Variants in ZDBF2 observed in about 807,000 individuals in gnomAD.
ZDBF2 encodes zinc finger DBF-type containing 2, also known as DBF4-type zinc finger-containing protein 2.
Under a neutral mutation model 9.4 loss-of-function variants are expected in ZDBF2, and 6 were observed. The observed-to-expected ratio is 0.64, with a 90% confidence interval of 0.35 to 1.27. The LOEUF (loss-of-function observed/expected upper bound fraction) is 1.27. ZDBF2 is among the 50% of genes most tolerant of loss of function. The pLI is 0.03. For missense variants in ZDBF2, 2,697 were observed against 2,766.8 expected, an observed-to-expected ratio of 0.97 and a Z score of 0.57; for synonymous variants, 905 against 946.3, an observed-to-expected ratio of 0.96 and a Z score of 0.80.
At chr2:206,280,331 A>G (rs1465002452) in intron 2 of ZDBF2, among the ~76,000 whole-genome samples, 3 of 152,210 alleles carry the variant, frequency 2.0e-5, no homozygotes, top group Non-Finnish European at 2.9e-5. Flanking sequence ...AAGACCAAAA[A>G]TATTTAAGTA....
chr2:206,308,179 C>T lies in ZDBF2; in HGVS notation c.3651C>T (p.Thr1217=), dbSNP rs558225293. The T allele has an allele frequency of 1.1e-5, 18 of 1,613,620 alleles. 1 individual carries two copies. Among genetic ancestry groups the T allele is most frequent in the African/African-American group, 9.3e-5 (7 of 74,984 alleles). The change falls in exon 5 of 5, where the codon ACC becomes ACT. Residue 1217 remains threonine, a synonymous_variant. Transcript: ENST00000374423. The part of the protein sequence containing the change: ...LQSVADRLRE[T]VKEISLWKDE... ...CAGTGGCTGACCGGCTGAGAGAAAC[C>T]GTTAAAGAAATAAGCCTTTGGAAGG...
At chr2:206,298,322 C>G (rs1321648651) in intron 4 of ZDBF2, among the ~76,000 whole-genome samples, 1 of 152,228 alleles carries the variant, frequency 6.6e-6, no homozygotes, top group African/African-American at 2.4e-5. Flanking sequence ...ATTAGCACAT[C>G]TGTGCAGTTA....
In ZDBF2 at chr2:206,311,533, A is replaced by G. The variant is rs761378581; in HGVS notation, c.7005A>G (p.Gln2335=). ...AYDLRSSSCL[Q]QRERMMTRLA... ...ATCTGAGAAGCTCATCTTGTTTACA[A>G]CAACGTGAGAGAATGATGACTCGGC... Residue 2335 remains glutamine, a synonymous_variant, in exon 5 of 5, where the codon CAA becomes CAG. Transcript: ENST00000374423. The G allele has an allele frequency of 1.9e-6, 3 of 1,551,454 alleles. No homozygotes were observed. The highest frequency in any genetic ancestry group is 2.5e-5 in the South Asian group (2 of 80,870).
intron 4 of ZDBF2, among the ~76,000 whole-genome samples, chr2:206,298,014 T>C (rs1217248174): frequency 2.0e-5 from 3 of 152,130 alleles, no homozygotes; most frequent in Non-Finnish European, 4.4e-5. Flanking sequence ...ACAGAAAAAC[T>C]GGTGACAATA....
chr2:206,302,646 G>C (rs2105943178), intron 4 of ZDBF2, among the ~76,000 whole-genome samples: 1 of 152,312 alleles, frequency 6.6e-6, no homozygotes, highest in South Asian at 2.1e-4. Flanking sequence ...CTAGAGTGAA[G>C]TGATTGTTGC....
chr2:206,304,218 C>A (rs919283319), intron 4 of ZDBF2, among the ~76,000 whole-genome samples: 2 of 152,168 alleles, frequency 1.3e-5, no homozygotes, highest in African/African-American at 4.8e-5. Context: ...TGTCCTTACA[C>A]CCGCACCAAA....
At chr2:206,298,205 T>C (rs1423855364) in intron 4 of ZDBF2, among the ~76,000 whole-genome samples, 1 of 152,216 alleles carries the variant, frequency 6.6e-6, no homozygotes, top group Non-Finnish European at 1.5e-5. Flanking sequence ...TTTGATAACA[T>C]TTAAGAGTTA....
At chr2:206,289,532 G>T (rs2105914708) in intron 3 of ZDBF2, among the ~76,000 whole-genome samples, 1 of 152,224 alleles carries the variant, frequency 6.6e-6, no homozygotes, top group Admixed American at 6.5e-5. Context: ...GCTTGGCCTG[G>T]GGATGTGAGG....
chr2:206,294,422 C>T (rs11898377), intron 3 of ZDBF2, among the ~76,000 whole-genome samples: 2 of 152,160 alleles, frequency 1.3e-5, no homozygotes, highest in Non-Finnish European at 1.5e-5. Flanking sequence ...GTTTTCTATT[C>T]ACATTGCTTT....
At chr2:206,280,134 C>A (rs1046541758) in intron 2 of ZDBF2, among the ~76,000 whole-genome samples, 2 of 152,150 alleles carry the variant, frequency 1.3e-5, no homozygotes, top group Admixed American at 6.5e-5. Context: ...TGCTTTATAA[C>A]GTATGTCCTG....
chr2:206,297,474 A>C (rs187577541), intron 4 of ZDBF2, 101 bp downstream of exon 4: 1 of 1,149,924 alleles, frequency 8.7e-7, no homozygotes, highest in Non-Finnish European at 1.2e-6. Flanking sequence ...CTTTGAGTCA[A>C]GGAATATAAA....
Position 206,307,234 on chromosome 2 carries a change from A to G in ZDBF2, c.2706A>G (p.Val902=), listed in dbSNP as rs1386394964. The change falls in exon 5 of 5, where the codon GTA becomes GTG. Residue 902 remains valine, a synonymous_variant. Coordinates refer to ENST00000374423, the MANE Select transcript of ZDBF2 (RefSeq NM_020923.3). ...KKLNPQKEEQ[V]HLENKENEPI... ...TAAATCCTCAAAAAGAAGAGCAGGT[A>G]CACTTAGAAAATAAGGAAAATGAAC... 3.7e-6 allele frequency: 6 copies of G among 1,607,348 alleles called. No homozygotes were observed. Among genetic ancestry groups the G allele is most frequent in the Non-Finnish European group, 5.1e-6 (6 of 1,178,326 alleles).
intron 3 of ZDBF2, among the ~76,000 whole-genome samples, chr2:206,293,352 AG>A (rs1226457856): frequency 6.6e-6 from 1 of 152,208 alleles, no homozygotes; most frequent in Non-Finnish European, 1.5e-5. Flanking sequence ...AAAATAGTAA[AG>A]CTTCTAGAAA....
chr2:206,281,839 A>G lies in ZDBF2; in HGVS notation c.-11A>G. ...AGACAGTAGCCATCTGACTTCAGTT[A>G]TTTATTCAAGATGCAGAAAAGACAA... On this transcript the variant is annotated 5_prime_UTR_variant, in exon 3 of 5. Transcript: ENST00000374423. 6.2e-7 allele frequency: 1 copy of G among 1,612,158 alleles called. No individual in the cohort carries two copies. Among genetic ancestry groups the G allele is most frequent in the East Asian group, 2.2e-5 (1 of 44,786 alleles).
At chr2:206,286,348 C>G (rs1366972255) in intron 3 of ZDBF2, among the ~76,000 whole-genome samples, 1 of 151,976 alleles carries the variant, frequency 6.6e-6, no homozygotes, top group Non-Finnish European at 1.5e-5. Flanking sequence ...TATCTAGGTG[C>G]TCTGGTATTG....
chr2:206,276,712 A>G (rs1347888115), intron 1 of ZDBF2, among the ~76,000 whole-genome samples: 1 of 152,270 alleles, frequency 6.6e-6, no homozygotes, highest in Non-Finnish European at 1.5e-5. Flanking sequence ...CTGATTTGTT[A>G]AATGGGAATT....
Position 206,305,091 on chromosome 2 carries a change from C to T in ZDBF2, c.563C>T (p.Ala188Val), listed in dbSNP as rs753326906. Residue 188 changes from alanine (A) to valine (V), a missense_variant, in exon 5 of 5, where the codon GCT (alanine) becomes GTT (valine). By Grantham distance (64) the Ala-to-Val change is moderately conservative. Around this residue, in one of 3 missense-constraint regions of ZDBF2, gnomAD observed 910 missense variants for 973.6 expected, o/e 0.93. Coordinates refer to ENST00000374423, the MANE Select transcript of ZDBF2 (RefSeq NM_020923.3). Reference protein sequence around the residue: ...VRPPVICNAPASCLPESSNDR... With the variant: ...VRPPVICNAPVSCLPESSNDR... ...CCCCCAGTGATTTGTAATGCTCCTG[C>T]TAGTTGTTTACCTGAAAGCTCTAAC... 8 of 1,613,760 alleles carry T rather than the reference C, an allele frequency of 5.0e-6. No individual in the cohort carries two copies. In the Admixed American group the frequency reaches 1.0e-4, roughly 20 times the overall value.
rs1693263500 is a variant in ZDBF2, at chr2:206,312,957, A to T, written c.*1364A>T. On this transcript the variant is annotated 3_prime_UTR_variant, in exon 5 of 5. Coordinates refer to ENST00000374423, the MANE Select transcript of ZDBF2 (RefSeq NM_020923.3). The stretch of plus-strand genomic sequence containing the variant: ...TAACGAGATGCAGTTTGAGTCTGGG[A>T]TACTCAGAATAGATCCAGAACCTTT... 6.6e-6 allele frequency: 1 copy of T among 152,226 alleles called. No homozygotes were observed. The highest frequency in any genetic ancestry group is 2.4e-5 in the African/African-American group (1 of 41,464). 9.4% of individuals were successfully genotyped at this position (152,226 alleles called of 1,614,324 possible).
Position 206,308,578 on chromosome 2 carries a change from G to A in ZDBF2, c.4050G>A (p.Glu1350=), listed in dbSNP as rs372909813. The change falls in exon 5 of 5, where the codon GAG becomes GAA. Residue 1350 remains glutamate (E), a synonymous_variant. Coordinates refer to ENST00000374423, the MANE Select transcript of ZDBF2 (RefSeq NM_020923.3). ...AACAACCACACATTTTGGAAGAGGAGCATGCCAGTCTGGAAGATAAGAGCA... is the reference window on the plus strand; with the variant it reads ...AACAACCACACATTTTGGAAGAGGAACATGCCAGTCTGGAAGATAAGAGCA... ...VIKQPHILEE[E]HASLEDKSSN... is the part of the protein sequence containing the mutation. The A allele has an allele frequency of 1.1e-5, 18 of 1,613,588 alleles. No homozygotes were observed. Among genetic ancestry groups the A allele is most frequent in the Non-Finnish European group, 1.4e-5 (16 of 1,179,842 alleles).
Sources: allele counts gnomAD v4.1 joint callset (sites outside exome capture counted in the v4.1 genomes callset), GRCh38; gene constraint gnomAD v4.1.1; regional missense constraint gnomAD v4.1.1; transcripts MANE v1.5; gene names NCBI Gene and HGNC (gene_info 2026-07-23, HGNC 2026-07-21).